Variants in IFNAR2 observed in about 807,000 individuals in gnomAD.
IFNAR2 encodes the protein interferon alpha and beta receptor subunit 2.
A neutral mutation model predicts 49.4 loss-of-function variants in IFNAR2; 30 were observed. The observed-to-expected ratio is 0.61, with a 90% confidence interval of 0.45 to 0.82. IFNAR2 has a LOEUF of 0.82. Among genes scored for constraint, IFNAR2 ranks in the 40% least tolerant of loss-of-function variants. The pLI is 0.00. For synonymous variants in IFNAR2, 224 were observed against 234.5 expected (o/e 0.96, Z 0.41); for missense variants, 600 against 622.7 (o/e 0.96, Z 0.39).
chr21:33,241,226 G>A (rs1057160873), intron 1 of IFNAR2, among the ~76,000 whole-genome samples: 6 of 152,160 alleles, frequency 3.9e-5, no homozygotes, highest in African/African-American at 1.4e-4. Flanking sequence ...ATTTGAATGA[G>A]CTGTTTCTTG....
chr21:33,236,931 A>T, intron 1 of IFNAR2: 1 of 965,472 alleles, frequency 1.0e-6, no homozygotes, highest in Non-Finnish European at 1.2e-6. Flanking sequence ...AAGGAGCTCC[A>T]TTAACAATTT....
At chr21:33,240,750 G>A (rs896556710) in intron 1 of IFNAR2, among the ~76,000 whole-genome samples, 2 of 151,220 alleles carry the variant, frequency 1.3e-5, no homozygotes, top group Non-Finnish European at 2.9e-5. Context: ...GGGAGGTTGA[G>A]GCTGCAGTGA....
intron 1 of IFNAR2, chr21:33,233,081 A>G (rs901323081): frequency 2.8e-6 from 1 of 351,868 alleles, no homozygotes; most frequent in African/African-American, 2.2e-5. Flanking sequence ...AAACTCAAAG[A>G]TGAGAAAATT....
chr21:33,256,357 C>T (rs1416120478), intron 7 of IFNAR2, among the ~76,000 whole-genome samples: 2 of 152,196 alleles, frequency 1.3e-5, no homozygotes, highest in East Asian at 3.8e-4. Flanking sequence ...AAATACTGTA[C>T]CTGATGTCAA....
rs772755254 is a variant in IFNAR2 at position 33,241,918 on chromosome 21, C to G, written c.-5C>G. The G allele has an allele frequency of 1.9e-6, 3 of 1,611,412 alleles. No individual in the cohort carries two copies. Among genetic ancestry groups the G allele is most frequent in the Non-Finnish European group, 2.5e-6 (3 of 1,178,126 alleles). On this transcript the variant is annotated 5_prime_UTR_variant, in exon 2 of 9. Transcript: ENST00000342136. ...AGTCAAGAGAAGACTCTAAAAATAG[C>G]AAAGATGCTTTTGAGCCAGAATGCC...
In IFNAR2 at chr21:33,264,675, T is replaced by G. The variant is rs1601823592; in HGVS notation, c.*1175T>G. The G allele has an allele frequency of 1.3e-5, 2 of 149,016 alleles. No individual in the cohort carries two copies. Among genetic ancestry groups the G allele is most frequent in the East Asian group, 2.0e-4 (1 of 4,940 alleles). 9.2% of individuals were successfully genotyped at this position (149,016 alleles called of 1,614,324 possible). On this transcript the variant is annotated 3_prime_UTR_variant, in exon 9 of 9. Transcript: ENST00000342136. The stretch of plus-strand genomic sequence containing the variant: ...ACAGTGCCTGTGGATCTAGGCCGGG[T>G]TGGGGGGGTGTGGGCGGGGGAAGGG...
At chr21:33,251,566 T>C in intron 6 of IFNAR2, 1 of 985,408 alleles carries the variant, frequency 1.0e-6, no homozygotes, top group Non-Finnish European at 1.2e-6. Context: ...CGTAAGTTTG[T>C]TTGTTTACTA....
intron 7 of IFNAR2, among the ~76,000 whole-genome samples, chr21:33,254,296 A>G (rs946305347): frequency 3.9e-5 from 6 of 152,196 alleles, no homozygotes; most frequent in Admixed American, 3.3e-4. Flanking sequence ...GCCAGCACTA[A>G]TATTAAAACA....
At chr21:33,254,136 G>GA (rs1988052490) in intron 7 of IFNAR2, among the ~76,000 whole-genome samples, 1 of 152,108 alleles carries the variant, frequency 6.6e-6, no homozygotes, top group Non-Finnish European at 1.5e-5. Context: ...AAAATTCTAA[G>GA]CCCCCCAACC....
intron 6 of IFNAR2, 127 bp downstream of exon 6, chr21:33,248,981 C>A: frequency 1.5e-6 from 1 of 667,666 alleles, no homozygotes; most frequent in Non-Finnish European, 2.5e-6. Context: ...CAGTATGGTC[C>A]GACTTAGGGA....
intron 1 of IFNAR2, among the ~76,000 whole-genome samples, chr21:33,240,062 G>GCA (rs1346073442): frequency 6.6e-6 from 1 of 151,254 alleles, no homozygotes; most frequent in African/African-American, 2.4e-5. Context: ...TCTCCCTTCT[G>GCA]GGCCCCAGAG....
chr21:33,259,884 A>G (rs1213843777), intron 7 of IFNAR2, among the ~76,000 whole-genome samples: 1 of 152,148 alleles, frequency 6.6e-6, no homozygotes, highest in Non-Finnish European at 1.5e-5. Context: ...TACATAATCC[A>G]TTTGATTTCC....
intron 7 of IFNAR2, among the ~76,000 whole-genome samples, chr21:33,260,104 A>G (rs1988463609): frequency 6.6e-6 from 1 of 152,232 alleles, no homozygotes; most frequent in African/African-American, 2.4e-5. Flanking sequence ...CTGTTAATAG[A>G]GCAAGGCAGG....
chr21:33,255,533 A>T (rs919518615), intron 7 of IFNAR2, among the ~76,000 whole-genome samples: 4 of 152,356 alleles, frequency 2.6e-5, no homozygotes, highest in Middle Eastern at 3.4e-3. Context: ...ACAGCCATTG[A>T]AGAGGTGCAC....
rs564318655 is a variant in IFNAR2, at chr21:33,243,965, T to C, written c.97+251T>C. 3.9e-5 allele frequency among the ~76,000 whole-genome samples: 6 copies of C among 152,340 alleles called. No homozygotes were observed. The South Asian group carries it at 1.2e-3, about 32-fold the overall frequency. On this transcript the variant is annotated intron_variant, in intron 3 of 8. Coordinates refer to ENST00000342136, the MANE Select transcript of IFNAR2 (RefSeq NM_001289125.3). Reference sequence around the variant, plus strand: ...CTTTAAAGAATATTCAAACTCTTAATAATCTCACTAATAAAAGAATGAGGA... The same window carrying C: ...CTTTAAAGAATATTCAAACTCTTAACAATCTCACTAATAAAAGAATGAGGA...
chr21:33,237,975 A>G (rs1359854210), intron 1 of IFNAR2, among the ~76,000 whole-genome samples: 1 of 152,216 alleles, frequency 6.6e-6, no homozygotes, highest in Non-Finnish European at 1.5e-5. Flanking sequence ...TCCAGGACAT[A>G]CAAACAAAAA....
At chr21:33,245,197 T>A in intron 4 of IFNAR2, 123 bp downstream of exon 4, 1 of 715,436 alleles carries the variant, frequency 1.4e-6, no homozygotes. Flanking sequence ...TCCTTCTCTC[T>A]GCGTTTCTTA....
Position 33,252,623 on chromosome 21 carries a change from A to T in IFNAR2, c.541-39A>T, listed in dbSNP as rs1194206712. 2.5e-6 allele frequency: 4 copies of T among 1,591,546 alleles called. No homozygotes were observed. In the African/African-American group the frequency reaches 5.4e-5, roughly 22 times the overall value. On this transcript the variant is annotated intron_variant, in intron 6 of 8. Coordinates refer to ENST00000342136, the MANE Select transcript of IFNAR2 (RefSeq NM_001289125.3). Reference sequence around the variant, plus strand: ...AGAGATTAAGGCCTACCTCTAAATGAAATTCTCAGTCTTACTGATTTTTTG... The same window carrying T: ...AGAGATTAAGGCCTACCTCTAAATGTAATTCTCAGTCTTACTGATTTTTTG...
chr21:33,250,559 T>C (rs1418378884), intron 6 of IFNAR2, among the ~76,000 whole-genome samples: 1 of 152,278 alleles, frequency 6.6e-6, no homozygotes, highest in Non-Finnish European at 1.5e-5. Context: ...GTTTTTGAGA[T>C]GGAGTTTTGC....
Sources: allele counts gnomAD v4.1 joint callset (sites outside exome capture counted in the v4.1 genomes callset), GRCh38; gene constraint gnomAD v4.1.1; transcripts MANE v1.5; gene names NCBI Gene and HGNC (gene_info 2026-07-23, HGNC 2026-07-21).